The following MEGF6 variants were observed in gnomAD, a reference collection of about 807,000 sequenced individuals.
MEGF6 encodes the protein multiple epidermal growth factor-like domains protein 6.
A neutral mutation model predicts 207.1 loss-of-function variants in MEGF6; 184 were observed. The ratio of observed to expected loss-of-function variants is 0.89; its 90% CI spans 0.79 to 1.00. The LOEUF is 1.00. Among genes scored for constraint, MEGF6 ranks in the 50% least tolerant of loss-of-function variants. The pLI is 0.00. For synonymous variants in MEGF6, 1,038 were observed against 910.0 expected (o/e 1.14, Z -2.53); for missense variants, 2,282 against 2,202.9 (o/e 1.04, Z -0.72).
At chr1:3,502,255 G>A (rs965822675) in intron 17 of MEGF6, among the ~76,000 whole-genome samples, 3 of 152,030 alleles carry the variant, frequency 2.0e-5, no homozygotes, top group South Asian at 4.1e-4. Context: ...CTGGGGCAGC[G>A]TGGGAGAGGC....
chr1:3,495,193 A>G (rs1301910484), intron 30 of MEGF6, among the ~76,000 whole-genome samples: 1 of 152,136 alleles, frequency 6.6e-6, no homozygotes, highest in African/African-American at 2.4e-5. Context: ...GACCGGCCTG[A>G]TGGCACTATC....
chr1:3,593,247 G>A lies in MEGF6; in HGVS notation c.376+2091C>T, dbSNP rs1263396666. 2.6e-5 allele frequency among the ~76,000 whole-genome samples: 4 copies of A among 152,014 alleles called. No individual in the cohort carries two copies. The South Asian group carries it at 6.2e-4, about 24-fold the overall frequency. On this transcript the variant is annotated intron_variant, in intron 3 of 36. Transcript: ENST00000356575. Reference sequence around the variant, plus strand: ...AGCGGGGAGCGGCTGAACCAGCCTCGGGGGACGACCCAGCAGCCCCTGCCC... The same window carrying A: ...AGCGGGGAGCGGCTGAACCAGCCTCAGGGGACGACCCAGCAGCCCCTGCCC...
rs202006336 is a variant in MEGF6 at position 3,500,955 on chromosome 1, G to A, written c.2575+11C>T. The A allele has an allele frequency of 6.2e-7, 1 of 1,611,132 alleles. No homozygotes were observed. The highest frequency in any genetic ancestry group is 8.5e-7 in the Non-Finnish European group (1 of 1,179,910). On this transcript the variant is annotated intron_variant, in intron 20 of 36. Transcript: ENST00000356575. Reference sequence around the variant, plus strand: ...ATGTCTGGACAAAGGGCAAGCCAAGGGCCCCCGTACCTCTCTGGCAGCTAA... The same window carrying A: ...ATGTCTGGACAAAGGGCAAGCCAAGAGCCCCCGTACCTCTCTGGCAGCTAA...
At chr1:3,592,286 T>G (rs1643992311) in intron 3 of MEGF6, among the ~76,000 whole-genome samples, 1 of 152,158 alleles carries the variant, frequency 6.6e-6, no homozygotes, top group Non-Finnish European at 1.5e-5. Flanking sequence ...GGCCTCGTGG[T>G]GTGGGGAGGT....
intron 5 of MEGF6, among the ~76,000 whole-genome samples, chr1:3,519,425 C>CG (rs1240939834): frequency 2.6e-5 from 4 of 152,232 alleles, no homozygotes; most frequent in African/African-American, 9.6e-5. Flanking sequence ...GGGAGCTGCA[C>CG]GGCGCACCAT....
At chr1:3,539,819 T>A (rs572494755) in intron 4 of MEGF6, among the ~76,000 whole-genome samples, 7 of 152,266 alleles carry the variant, frequency 4.6e-5, no homozygotes, top group South Asian at 2.1e-4. Context: ...TCCCAACAGA[T>A]GGCTCCCGGG....
intron 14 of MEGF6, 39 bp from the exon 15 acceptor site, chr1:3,506,275 C>A: frequency 1.3e-6 from 2 of 1,597,310 alleles, no homozygotes; most frequent in East Asian, 2.3e-5. Flanking sequence ...TTGGTGGCAG[C>A]CAGCCTACCA....
chr1:3,569,748 G>A (rs1482471256), intron 4 of MEGF6, among the ~76,000 whole-genome samples: 2 of 152,224 alleles, frequency 1.3e-5, no homozygotes, highest in Non-Finnish European at 2.9e-5. Flanking sequence ...GAAGACTTGA[G>A]ATGCCCACTC....
At chr1:3,490,803 G>C (rs2487667) in intron 36 of MEGF6, 109 bp downstream of exon 36, 1 of 1,382,582 alleles carries the variant, frequency 7.2e-7, no homozygotes, top group Non-Finnish European at 1.0e-6. Context: ...CCAAGGCCCC[G>C]GGTGCAGCTG....
At chr1:3,499,440 C>T (rs779287642) in intron 23 of MEGF6, 148 bp downstream of exon 23, 26 of 1,405,272 alleles carry the variant, frequency 1.9e-5, no homozygotes, top group Non-Finnish European at 2.4e-5. Context: ...AAAGGACCAA[C>T]GCTCTGGCCC....
chr1:3,602,336 T>G (rs1162037306), intron 2 of MEGF6, 130 bp downstream of exon 2: 1 of 1,375,110 alleles, frequency 7.3e-7, no homozygotes, highest in African/African-American at 1.5e-5. Flanking sequence ...AGATGAGGGC[T>G]TCAGGCAGGG....
At chr1:3,493,021 A>T in intron 34 of MEGF6, 1 of 529,320 alleles carries the variant, frequency 1.9e-6, no homozygotes, top group South Asian at 2.6e-5. Flanking sequence ...ACACGTCCAG[A>T]GTCACCACCG....
chr1:3,586,033 C>CACAT (rs1643889850), intron 3 of MEGF6, among the ~76,000 whole-genome samples: 1 of 134,248 alleles, frequency 7.4e-6, no homozygotes, highest in African/African-American at 3.0e-5. Context: ...GGTGTGTGGA[C>CACAT]GCATGTCCTG....
intron 5 of MEGF6, among the ~76,000 whole-genome samples, chr1:3,517,422 T>A (rs1340128007): frequency 1.3e-5 from 2 of 152,138 alleles, no homozygotes; most frequent in African/African-American, 4.8e-5. Context: ...CTCTTGCCAC[T>A]CCAGTCCACA....
At chr1:3,566,702 G>A (rs753516167) in intron 4 of MEGF6, among the ~76,000 whole-genome samples, 3 of 152,188 alleles carry the variant, frequency 2.0e-5, no homozygotes, top group Non-Finnish European at 4.4e-5. Context: ...GGCTGGGGCT[G>A]GAGAGGCCAC....
Position 3,595,407 on chromosome 1 carries a change from C to T in MEGF6, c.307G>A (p.Glu103Lys). 2 of 1,612,730 alleles carry T rather than the reference C, an allele frequency of 1.2e-6. No homozygotes were observed. Among genetic ancestry groups the T allele is most frequent in the Non-Finnish European group, 1.7e-6 (2 of 1,179,936 alleles). Residue 103 changes from glutamate (E) to lysine (K), a missense_variant, in exon 3 of 37, where the codon GAG becomes AAG. Physicochemically the swap from Glu to Lys is moderately conservative, Grantham distance 56 (BLOSUM62 1). Transcript: ENST00000356575. ...CAGCACCTGAGCACGGTCCGGGCCT[C>T]CGTGGTATACACCTGCCTGTAGCCC... ...YMGYRQVYTT[E>K]ARTVLRCCRG...
intron 4 of MEGF6, among the ~76,000 whole-genome samples, chr1:3,579,453 C>G (rs1268845780): frequency 1.3e-5 from 2 of 152,326 alleles, no homozygotes; most frequent in Non-Finnish European, 2.9e-5. Context: ...TCTTTTAACA[C>G]TGAGGACAAC....
Position 3,515,477 on chromosome 1 carries a change from G to A in MEGF6, c.655C>T (p.Gln219Ter). Residue 219 changes from glutamine (Q) to a stop codon, truncating the protein, a stop_gained, in exon 6 of 37, where the codon CAG becomes TAG. Coordinates refer to ENST00000356575, the MANE Select transcript of MEGF6 (RefSeq NM_001409.4). LOFTEE classifies it high-confidence loss of function. ...GNGGCQHHCV[Q>*]LTITRHRCQC... ...CAGCGATGCCGAGTGATTGTGAGCT[G>A]GACACAGTGGTGCTGGCAGCCGCCA... 1 of 1,612,768 alleles carries A rather than the reference G, an allele frequency of 6.2e-7. No homozygotes were observed. The highest frequency in any genetic ancestry group is 8.5e-7 in the Non-Finnish European group (1 of 1,179,932).
intron 36 of MEGF6, 25 bp downstream of exon 36, chr1:3,490,887 C>A: frequency 1.3e-6 from 2 of 1,572,354 alleles, no homozygotes; most frequent in East Asian, 4.7e-5. Flanking sequence ...CTGGCAAGCC[C>A]ACGGGCATTC....
Sources: gnomAD v4.1 joint callset for allele counts (sites outside exome capture counted in the v4.1 genomes callset) on GRCh38, gnomAD v4.1.1 for gene constraint, MANE v1.5 for transcripts, NCBI Gene and HGNC (gene_info 2026-07-23, HGNC 2026-07-21) for gene names.